Variants in ITPR1 observed in about 807,000 individuals in gnomAD.
ITPR1 encodes inositol 1,4,5-trisphosphate-gated calcium channel ITPR1.
A neutral mutation model predicts 318.4 loss-of-function variants in ITPR1; 96 were observed. That is an observed-to-expected ratio of 0.30 (90% confidence interval 0.26 to 0.36). The LOEUF (loss-of-function observed/expected upper bound fraction) is 0.36, where lower values mean the gene tolerates loss of function less well. Among genes scored for constraint, ITPR1 ranks in the 10% least tolerant of loss-of-function variants. The pLI is 1.00. For synonymous variants in ITPR1, 1,312 were observed against 1,289.9 expected (o/e 1.02, Z -0.37); for missense variants, 2,440 against 3,460.2 (o/e 0.71, Z 7.40).
intron 4 of ITPR1, among the ~76,000 whole-genome samples, chr3:4,535,609 AT>A (rs919826376): frequency 9.4e-5 from 14 of 149,728 alleles, no homozygotes; most frequent in African/African-American, 2.9e-4. Context: ...CGCCCGGCTA[AT>A]TTTTTTTTGT....
intron 4 of ITPR1, among the ~76,000 whole-genome samples, chr3:4,617,781 T>A (rs1157279705): frequency 6.6e-6 from 1 of 151,244 alleles, no homozygotes; most frequent in Non-Finnish European, 1.5e-5. Flanking sequence ...CACAGGCATT[T>A]AAGACCAGCC....
At chr3:4,757,226 T>G (rs1439217542) in intron 44 of ITPR1, among the ~76,000 whole-genome samples, 1 of 152,178 alleles carries the variant, frequency 6.6e-6, no homozygotes, top group Non-Finnish European at 1.5e-5. Context: ...ATTGTAATCA[T>G]TGGTTTCTAA....
intron 37 of ITPR1, among the ~76,000 whole-genome samples, chr3:4,707,067 T>C (rs539165929): frequency 5.8e-4 from 89 of 152,326 alleles, no homozygotes; most frequent in African/African-American, 2.0e-3. Flanking sequence ...CTCTGCCGCT[T>C]AGAAATGGTG....
At chr3:4,672,971 A>G (rs2094117520) in intron 20 of ITPR1, among the ~76,000 whole-genome samples, 165 bp from the exon 21 acceptor site, 1 of 152,124 alleles carries the variant, frequency 6.6e-6, no homozygotes, top group African/African-American at 2.4e-5. Context: ...TCTGCTTGGT[A>G]CCAAAGCCAA....
chr3:4,594,696 A>G (rs1413992773), intron 4 of ITPR1, among the ~76,000 whole-genome samples: 1 of 152,098 alleles, frequency 6.6e-6, no homozygotes, highest in African/African-American at 2.4e-5. Flanking sequence ...TGGCCAACCC[A>G]GCCCTCCACC....
chr3:4,684,684 C>T (rs374046590), intron 29 of ITPR1, among the ~76,000 whole-genome samples: 1 of 152,162 alleles, frequency 6.6e-6, no homozygotes, highest in East Asian at 1.9e-4. Context: ...ACACAGTGTC[C>T]CCACTGAGAG....
chr3:4,706,568 C>G (rs1471844471), intron 37 of ITPR1, among the ~76,000 whole-genome samples: 1 of 152,088 alleles, frequency 6.6e-6, no homozygotes, highest in Non-Finnish European at 1.5e-5. Flanking sequence ...AAAGGTTACT[C>G]CTAGATTTGC....
At chr3:4,574,144 T>C (rs2088350410) in intron 4 of ITPR1, among the ~76,000 whole-genome samples, 1 of 152,150 alleles carries the variant, frequency 6.6e-6, no homozygotes, top group African/African-American at 2.4e-5. Context: ...CTAGAAATAA[T>C]TTATGGGCTA....
At position 4,544,224 on chromosome 3, in the gene ITPR1, G is replaced by T. The variant is rs150191473; in HGVS notation, c.163+23130G>T. 3.4e-4 allele frequency among the ~76,000 whole-genome samples: 52 copies of T among 152,326 alleles called. No individual in the cohort carries two copies. The East Asian group carries it at 7.7e-3, about 23-fold the overall frequency. On this transcript the variant is annotated intron_variant, in intron 4 of 61. Transcript: ENST00000649015. The stretch of plus-strand genomic sequence containing the variant: ...GCCAGGTCACCATGTGGTGGAAATT[G>T]TTTGGGAGACAACAAGCTTTCTATA...
At chr3:4,600,373 G>A (rs1306693830) in intron 4 of ITPR1, among the ~76,000 whole-genome samples, 1 of 151,986 alleles carries the variant, frequency 6.6e-6, no homozygotes, top group Non-Finnish European at 1.5e-5. Flanking sequence ...AGGAGATTCC[G>A]AGCCCCAGGT....
chr3:4,657,368 C>T (rs79108700), intron 12 of ITPR1, among the ~76,000 whole-genome samples: 6,894 of 148,606 alleles, frequency 0.046, 294 homozygotes, highest in East Asian at 0.11. Flanking sequence ...CTAGCTCCTG[C>T]GGATGGATGT....
At chr3:4,801,199 T>C (rs1220545875) in intron 54 of ITPR1, among the ~76,000 whole-genome samples, 1 of 152,114 alleles carries the variant, frequency 6.6e-6, no homozygotes, top group East Asian at 1.9e-4. Context: ...ATTGGAGAGG[T>C]TTCCTTGTGA....
intron 4 of ITPR1, among the ~76,000 whole-genome samples, chr3:4,525,755 G>A (rs2082929204): frequency 6.6e-6 from 1 of 152,164 alleles, no homozygotes; most frequent in African/African-American, 2.4e-5. Context: ...AATAGAGAAG[G>A]CAAACATCAG....
chr3:4,774,750 C>A (rs1180110561), intron 46 of ITPR1, among the ~76,000 whole-genome samples: 1 of 152,250 alleles, frequency 6.6e-6, no homozygotes, highest in Non-Finnish European at 1.5e-5. Flanking sequence ...AATCCAGGCT[C>A]CTGCCACATG....
chr3:4,519,725 G>A lies in ITPR1; in HGVS notation c.93-1299G>A, dbSNP rs534209923. 1.2e-3 allele frequency among the ~76,000 whole-genome samples: 180 copies of A among 152,294 alleles called. 1 individual carries two copies. The highest frequency in any genetic ancestry group is 4.2e-3 in the African/African-American group (175 of 41,546). On this transcript the variant is annotated intron_variant, in intron 3 of 61. Transcript: ENST00000649015. ...CTTCTTGTTTATACAGTGAAGTCTT[G>A]TGTCATGAAGCTGAAGGAGGCAAAC... is the stretch of plus-strand genomic sequence containing the variant.
chr3:4,772,174 A>G (rs2046230032), intron 46 of ITPR1, among the ~76,000 whole-genome samples: 1 of 152,224 alleles, frequency 6.6e-6, no homozygotes, highest in South Asian at 2.1e-4. Flanking sequence ...TTCTGTGGCA[A>G]TATCCCAGAA....
At chr3:4,613,947 T>C (rs985163406) in intron 4 of ITPR1, among the ~76,000 whole-genome samples, 6 of 152,168 alleles carry the variant, frequency 3.9e-5, no homozygotes, top group African/African-American at 1.4e-4. Context: ...GGTGCTTCTT[T>C]CCAGAAAATA....
rs769168934 is a variant in ITPR1, at chr3:4,697,158, A to C, written c.4293A>C (p.Ala1431=). ...TTTCTATCTTGCAGGTTAAAATTGCATACATTAACTTCCTGAATCACTGCT... is the reference window on the plus strand; with the variant it reads ...TTTCTATCTTGCAGGTTAAAATTGCCTACATTAACTTCCTGAATCACTGCT... ...HEDCIPEVKI[A]YINFLNHCYV... Residue 1431 remains alanine, a synonymous_variant, in exon 34 of 62, where the codon GCA becomes GCC. Coordinates refer to ENST00000649015, the MANE Select transcript of ITPR1 (RefSeq NM_001378452.1). 3 of 1,610,370 alleles carry C rather than the reference A, an allele frequency of 1.9e-6. No homozygotes were observed. Among genetic ancestry groups the C allele is most frequent in the Non-Finnish European group, 1.7e-6 (2 of 1,178,158 alleles).
At chr3:4,704,338 G>A (rs1457807683) in intron 36 of ITPR1, among the ~76,000 whole-genome samples, 1 of 152,218 alleles carries the variant, frequency 6.6e-6, no homozygotes, top group Admixed American at 6.5e-5. Context: ...CTTGAACCTG[G>A]GAGGCGGAGG....
Sources: gnomAD v4.1 joint callset for allele counts (sites outside exome capture counted in the v4.1 genomes callset) on GRCh38, gnomAD v4.1.1 for gene constraint, MANE v1.5 for transcripts, NCBI Gene and HGNC (gene_info 2026-07-23, HGNC 2026-07-21) for gene names.